The following SYT4 variants were observed in gnomAD, a reference collection of about 807,000 sequenced individuals.
SYT4 encodes the protein synaptotagmin-4.
A neutral mutation model predicts 32.9 loss-of-function variants in SYT4; 7 were observed. That is an observed-to-expected ratio of 0.21 (90% CI 0.12 to 0.40). SYT4 has a LOEUF of 0.40. Among genes scored for constraint, SYT4 ranks in the 10% least tolerant of loss-of-function variants. The pLI, the probability that SYT4 is intolerant of heterozygous loss-of-function variation, is 1.00. For synonymous variants in SYT4, 205 were observed against 186.2 expected, an observed-to-expected ratio of 1.10 and a Z score of -0.82; for missense variants, 480 against 488.0, an observed-to-expected ratio of 0.98 and a Z score of 0.16.
chr18:43,270,296 C>G lies in SYT4; in HGVS notation c.*45G>C. On this transcript the variant is annotated 3_prime_UTR_variant, in exon 4 of 4. Transcript: ENST00000255224. ...CAATATAGAAAGAAAGAAAATTTCT[C>G]CTTGCCTAGTAAAAACCTTTAAGTT... is the stretch of plus-strand genomic sequence containing the variant. The G allele has an allele frequency of 6.4e-7, 1 of 1,574,462 alleles. No homozygotes were observed. The highest frequency in any genetic ancestry group is 2.3e-5 in the East Asian group (1 of 44,376).
chr18:43,273,767 T>C lies in SYT4; in HGVS notation c.662A>G (p.Glu221Gly), dbSNP rs1217157755. Residue 221 changes from glutamate to glycine, a missense_variant, in exon 2 of 4, where the codon GAG (glutamate) becomes GGG (glycine). Coordinates refer to ENST00000255224, the MANE Select transcript of SYT4 (RefSeq NM_020783.4). ...LRKTLDPAFD[E>G]TFTFYGIPYT... Reference sequence around the variant, plus strand: ...GGGTATCCCATAGAATGTAAAGGTCTCATCAAAAGCTGGATCCAAGGTTTT... The same window carrying C: ...GGGTATCCCATAGAATGTAAAGGTCCCATCAAAAGCTGGATCCAAGGTTTT... 1 of 1,613,934 alleles carries C rather than the reference T, an allele frequency of 6.2e-7. No homozygotes were observed. The highest frequency in any genetic ancestry group is 8.5e-7 in the Non-Finnish European group (1 of 1,179,948).
At chr18:43,276,941 T>C (rs1326368149) in intron 1 of SYT4, among the ~76,000 whole-genome samples, 2 of 152,056 alleles carry the variant, frequency 1.3e-5, no homozygotes, top group Non-Finnish European at 2.9e-5. Flanking sequence ...GAAACCAACA[T>C]GGGAAAAACA....
At chr18:43,271,891 T>C (rs1251884266) in intron 2 of SYT4, 59 bp from the exon 3 acceptor site, 1 of 1,525,396 alleles carries the variant, frequency 6.6e-7, no homozygotes, top group East Asian at 2.3e-5. Flanking sequence ...AAGTGTGTAC[T>C]TTCATTAAAG....
rs1448297935 is a variant in SYT4, at chr18:43,270,374, T to C, written c.1245A>G (p.Gln415=). 23 of 1,614,060 alleles carry C rather than the reference T, an allele frequency of 1.4e-5. No individual in the cohort carries two copies. The highest frequency in any genetic ancestry group is 1.6e-5 in the Non-Finnish European group (19 of 1,179,948). Residue 415 remains glutamine (Q), a synonymous_variant, in exon 4 of 4, where the codon CAA becomes CAG. Coordinates refer to ENST00000255224, the MANE Select transcript of SYT4 (RefSeq NM_020783.4). ...CACAGAGCACGTGCCACTTGGCAAT[T>C]TGTCTCCTGGGGTAGTCACAGATCT... ...WKEICDYPRR[Q]IAKWHVLCDG is the part of the protein sequence containing the mutation.
Position 43,271,817 on chromosome 18 carries a change from C to T in SYT4, c.865G>A (p.Gly289Ser). Residue 289 changes from glycine (G) to serine (S), a missense_variant, in exon 3 of 4, where the codon GGT becomes AGT. Coordinates refer to ENST00000255224, the MANE Select transcript of SYT4 (RefSeq NM_020783.4). ...KRNVRKSSGR[G>S]ELLISLCYQS... ...TAGCAGAGAGAGATCAGTAACTCAC[C>T]CCGTCCTGAAGACTTCTGCAGAAAG... The T allele has an allele frequency of 1.2e-6, 2 of 1,612,534 alleles. No homozygotes were observed. The highest frequency in any genetic ancestry group is 1.7e-6 in the Non-Finnish European group (2 of 1,178,880).
Position 43,271,727 on chromosome 18 carries a change from C to T in SYT4, c.955G>A (p.Val319Met). 6.2e-7 allele frequency: 1 copy of T among 1,613,026 alleles called. No homozygotes were observed. The highest frequency in any genetic ancestry group is 8.5e-7 in the Non-Finnish European group (1 of 1,179,204). The change falls in exon 3 of 4, where the codon GTG becomes ATG. Residue 319 changes from valine to methionine, a missense_variant. Val to Met is a conservative substitution (Grantham distance 21). Transcript: ENST00000255224. ...GCATTCTTACCTGAAAGTCCGGACACATCAGATTTAGGCAGATGTCGAGCT... is the reference window on the plus strand; with the variant it reads ...GCATTCTTACCTGAAAGTCCGGACATATCAGATTTAGGCAGATGTCGAGCT... ...LKARHLPKSD[V>M]SGLSDPYVKV...
intron 1 of SYT4, 96 bp downstream of exon 1, chr18:43,277,152 C>A (rs987160108): frequency 4.4e-5 from 65 of 1,464,580 alleles, no homozygotes; most frequent in Admixed American, 7.7e-5. Flanking sequence ...CCTAGGAAAT[C>A]TGTATTCAAC....
chr18:43,274,411 C>T lies in SYT4; in HGVS notation c.35-17G>A. 2 of 1,558,692 alleles carry T rather than the reference C, an allele frequency of 1.3e-6. No individual in the cohort carries two copies. Among genetic ancestry groups the T allele is most frequent in the Non-Finnish European group, 1.7e-6 (2 of 1,160,826 alleles). On this transcript the variant is annotated splice_polypyrimidine_tract_variant and intron_variant, in intron 1 of 3. Transcript: ENST00000255224. The stretch of plus-strand genomic sequence containing the variant: ...GGATTTCATCTGAAAAATCAAATGA[C>T]CAATAATATACATTAAAGAAGCAGA...
At chr18:43,270,956 T>C (rs1195737375) in intron 3 of SYT4, among the ~76,000 whole-genome samples, 1 of 152,128 alleles carries the variant, frequency 6.6e-6, no homozygotes, top group Non-Finnish European at 1.5e-5. Context: ...TTCTGATTAC[T>C]ATTAACTTAC....
In SYT4 at chr18:43,268,521, G is replaced by A. The variant is rs1894190655; in HGVS notation, c.*1820C>T. On this transcript the variant is annotated 3_prime_UTR_variant, in exon 4 of 4. Transcript: ENST00000255224. ...AATTGGCCCCTTACAACTTTTCAGA[G>A]GTCCAACATATATTCTGTTCCACGG... is the stretch of plus-strand genomic sequence containing the variant. 1 of 152,038 alleles carries A rather than the reference G, an allele frequency of 6.6e-6. No individual in the cohort carries two copies. The highest frequency in any genetic ancestry group is 6.6e-5 in the Admixed American group (1 of 15,240). 9.4% of individuals were successfully genotyped at this position (152,038 alleles called of 1,614,324 possible).
rs1908703822 is a variant in SYT4, at chr18:43,273,799, C to A, written c.630G>T (p.Val210=). 1 of 1,613,924 alleles carries A rather than the reference C, an allele frequency of 6.2e-7. No homozygotes were observed. The highest frequency in any genetic ancestry group is 1.3e-5 in the African/African-American group (1 of 74,922). The change falls in exon 2 of 4, where the codon GTG becomes GTT. Residue 210 remains valine (V), a synonymous_variant. Coordinates refer to ENST00000255224, the MANE Select transcript of SYT4 (RefSeq NM_020783.4). ...AAGCTGGATCCAAGGTTTTTCTCAG[C>A]ACTCTAGTTTTCACTTTATGCTTCT... is the stretch of plus-strand genomic sequence containing the variant. The part of the protein sequence containing the change: ...PEKKHKVKTR[V]LRKTLDPAFD...
At chr18:43,271,935 C>T in intron 2 of SYT4, 103 bp from the exon 3 acceptor site, 7 of 1,232,648 alleles carry the variant, frequency 5.7e-6, no homozygotes, top group Non-Finnish European at 7.7e-6. Flanking sequence ...TATAATCTTA[C>T]TTATTTTTAT....
In SYT4 at chr18:43,271,834, T is replaced by G; in HGVS notation, c.850-2A>C. 6.2e-7 allele frequency: 1 copy of G among 1,611,042 alleles called. No homozygotes were observed. Among genetic ancestry groups the G allele is most frequent in the East Asian group, 2.2e-5 (1 of 44,754 alleles). ...TAACTCACCCCGTCCTGAAGACTTC[T>G]GCAGAAAGAGAAATGTGATATAAGT... On this transcript the variant is annotated splice_acceptor_variant, in intron 2 of 3. Coordinates refer to ENST00000255224, the MANE Select transcript of SYT4 (RefSeq NM_020783.4). LOFTEE classifies it high-confidence loss of function.
In SYT4 at chr18:43,267,919, T is replaced by A. The variant is rs977596686; in HGVS notation, c.*2422A>T. The A allele has an allele frequency of 6.6e-6, 1 of 152,186 alleles. No homozygotes were observed. Among genetic ancestry groups the A allele is most frequent in the Non-Finnish European group, 1.5e-5 (1 of 68,036 alleles). 9.4% of individuals were successfully genotyped at this position (152,186 alleles called of 1,614,324 possible). A position where few individuals can be genotyped will look rare whatever the true frequency, so the allele number is the denominator to read the frequency against. ...GGGCAAAAGCAGCAATTTATTCATG[T>A]CTTACAAACATGGTCTTACAAACAT... is the stretch of plus-strand genomic sequence containing the variant. On this transcript the variant is annotated 3_prime_UTR_variant, in exon 4 of 4. Transcript: ENST00000255224.
rs1429897819 is a variant in SYT4 at position 43,277,295 on chromosome 18, T to C, written c.-14A>G. ...GATCGGAGCCATTTTTTACTGCGTGTTCTGTCCGAGGTGCTGAAGGGAAAA... is the reference window on the plus strand; with the variant it reads ...GATCGGAGCCATTTTTTACTGCGTGCTCTGTCCGAGGTGCTGAAGGGAAAA... On this transcript the variant is annotated 5_prime_UTR_variant, in exon 1 of 4. Coordinates refer to ENST00000255224, the MANE Select transcript of SYT4 (RefSeq NM_020783.4). 10 of 1,613,940 alleles carry C rather than the reference T, an allele frequency of 6.2e-6. No homozygotes were observed. In the Middle Eastern group the frequency reaches 4.9e-4, roughly 80 times the overall value.
chr18:43,271,902 T>C, intron 2 of SYT4, 70 bp from the exon 3 acceptor site: 1 of 1,447,872 alleles, frequency 6.9e-7, no homozygotes, highest in Non-Finnish European at 9.4e-7. Context: ...TTCATTAAAG[T>C]TTAAATAACA....
chr18:43,269,906 G>A lies in SYT4; in HGVS notation c.*435C>T, dbSNP rs1338361826. 1.2e-5 allele frequency: 2 copies of A among 164,916 alleles called. No homozygotes were observed. The highest frequency in any genetic ancestry group is 2.7e-5 in the Non-Finnish European group (2 of 75,254). 10.2% of individuals were successfully genotyped at this position (164,916 alleles called of 1,614,324 possible). A position where few individuals can be genotyped will look rare whatever the true frequency, so the allele number is the denominator to read the frequency against. ...GGAGGACATTTTTTTAGTATCTTTG[G>A]ATTTAAAGAAAAATTGATTTCCCCA... On this transcript the variant is annotated 3_prime_UTR_variant, in exon 4 of 4. Coordinates refer to ENST00000255224, the MANE Select transcript of SYT4 (RefSeq NM_020783.4).
chr18:43,276,529 T>C (rs765527495), intron 1 of SYT4, among the ~76,000 whole-genome samples: 1 of 152,172 alleles, frequency 6.6e-6, no homozygotes. Context: ...AAACTTGGTG[T>C]GAGAAAAGGA....
In SYT4 at chr18:43,269,467, A is replaced by G. The variant is rs1047442725; in HGVS notation, c.*874T>C. The G allele has an allele frequency of 4.6e-5, 7 of 152,414 alleles. No individual in the cohort carries two copies. The highest frequency in any genetic ancestry group is 1.7e-4 in the African/African-American group (7 of 41,430). 9.4% of individuals were successfully genotyped at this position (152,414 alleles called of 1,614,324 possible). On this transcript the variant is annotated 3_prime_UTR_variant, in exon 4 of 4. Coordinates refer to ENST00000255224, the MANE Select transcript of SYT4 (RefSeq NM_020783.4). ...AAAAGTACACTTGCACACTATACCT[A>G]TTTCCTATAAGAAAATTGCACTTCT... is the stretch of plus-strand genomic sequence containing the variant.
Sources: allele counts gnomAD v4.1 joint callset (sites outside exome capture counted in the v4.1 genomes callset), GRCh38; gene constraint gnomAD v4.1.1; transcripts MANE v1.5; gene names NCBI Gene and HGNC (gene_info 2026-07-23, HGNC 2026-07-21).